The following SIGLEC12 variants were observed in gnomAD, a reference collection of about 807,000 sequenced individuals.
SIGLEC12 encodes sialic acid-binding Ig-like lectin 12.
A neutral mutation model predicts 54.1 loss-of-function variants in SIGLEC12; 43 were observed. The ratio of observed to expected loss-of-function variants is 0.80; its 90% CI spans 0.62 to 1.03. The LOEUF is 1.03. Ranked by LOEUF, SIGLEC12 falls within the 50% of genes least tolerant of loss-of-function variation. SIGLEC12 has a pLI of 0.00. For missense variants in SIGLEC12, 802 were observed against 735.2 expected, an observed-to-expected ratio of 1.09 and a Z score of -1.05; for synonymous variants, 357 against 307.6, an observed-to-expected ratio of 1.16 and a Z score of -1.68.
At chr19:51,494,068 C>A (rs111581574) in intron 7 of SIGLEC12, among the ~76,000 whole-genome samples, 2 of 152,292 alleles carry the variant, frequency 1.3e-5, no homozygotes, top group African/African-American at 4.8e-5. Flanking sequence ...GTGCCTGAGC[C>A]TCACCCTGTT....
Position 51,501,595 on chromosome 19 carries a change from A to G in SIGLEC12, c.139T>C (p.Ser47Pro), listed in dbSNP as rs1196850347. The change falls in exon 1 of 8, where the codon TCC becomes CCC. Residue 47 changes from serine to proline, a missense_variant. By Grantham distance (74) the Ser-to-Pro change is moderately conservative. Coordinates refer to ENST00000291707, the MANE Select transcript of SIGLEC12 (RefSeq NM_053003.4). The part of the protein sequence containing the change: ...GLCVSVLCSF[S>P]YPQNGWTASD... ...GCAGTCCAGCCATTTTGGGGGTAGG[A>G]GAAGGAGCAAAGCACAGAGACACAC... 6.2e-7 allele frequency: 1 copy of G among 1,613,932 alleles called. No homozygotes were observed. The highest frequency in any genetic ancestry group is 8.5e-7 in the Non-Finnish European group (1 of 1,179,970).
chr19:51,499,484 A>T lies in SIGLEC12; in HGVS notation c.1041T>A (p.Pro347=). 1 of 1,605,822 alleles carries T rather than the reference A, an allele frequency of 6.2e-7. No homozygotes were observed. The part of the protein sequence containing the change: ...GTSLTCQVTL[P]GAGVTMTRAV... ...CCCTGGTCATGGTCACGCCGGCCCC[A>T]GGCAAGGTCACCTGACAGGTGAGGC... is the stretch of plus-strand genomic sequence containing the variant. Residue 347 remains proline, a synonymous_variant, in exon 3 of 8, where the codon CCT becomes CCA. Coordinates refer to ENST00000291707, the MANE Select transcript of SIGLEC12 (RefSeq NM_053003.4).
In SIGLEC12 at chr19:51,498,080, G is replaced by A. The variant is rs1482644976; in HGVS notation, c.1343C>T (p.Ala448Val). The A allele has an allele frequency of 1.2e-6, 2 of 1,614,246 alleles. No individual in the cohort carries two copies. The highest frequency in any genetic ancestry group is 1.7e-6 in the Non-Finnish European group (2 of 1,180,042). Residue 448 changes from alanine (A) to valine (V), a missense_variant, in exon 5 of 8, where the codon GCT becomes GTT. By Grantham distance (64) the Ala-to-Val change is moderately conservative. Coordinates refer to ENST00000291707, the MANE Select transcript of SIGLEC12 (RefSeq NM_053003.4). Reference protein sequence around the residue: ...VKDEGEFTCRAQNPLGSQHIS... With the variant: ...VKDEGEFTCRVQNPLGSQHIS... ...GTGCTGGGAGCCTAGAGGGTTCTGA[G>A]CTCGGCAGGTGAATTCCCCTTCATC...
Position 51,498,269 on chromosome 19 carries a change from T to G in SIGLEC12, c.1154A>C (p.Asn385Thr), listed in dbSNP as rs1231296621. Residue 385 changes from asparagine (N) to threonine (T), a missense_variant, in exon 5 of 8, where the codon AAT becomes ACT. Physicochemically the swap from Asn to Thr is moderately conservative, Grantham distance 65 (BLOSUM62 0). Coordinates refer to ENST00000291707, the MANE Select transcript of SIGLEC12 (RefSeq NM_053003.4). Reference sequence around the variant, plus strand: ...CTCCAGGACTGAAAGGGCCGAGCCATTCCTCAAGGTTGTGGATGCTGTAGA... The same window carrying G: ...CTCCAGGACTGAAAGGGCCGAGCCAGTCCTCAAGGTTGTGGATGCTGTAGA... Reference protein sequence around the residue: ...GDGTASTTLRNGSALSVLEGQ... With the variant: ...GDGTASTTLRTGSALSVLEGQ... 6 of 1,608,908 alleles carry G rather than the reference T, an allele frequency of 3.7e-6. No homozygotes were observed. The highest frequency in any genetic ancestry group is 5.1e-6 in the Non-Finnish European group (6 of 1,176,496).
At position 51,501,511 on chromosome 19, in the gene SIGLEC12, G is replaced by T. The variant is rs199619588; in HGVS notation, c.223C>A (p.Pro75Thr). 4.4e-6 allele frequency: 7 copies of T among 1,599,934 alleles called. No homozygotes were observed. The highest frequency in any genetic ancestry group is 1.7e-4 in the Middle Eastern group (1 of 6,044). The change falls in exon 1 of 8, where the codon CCA becomes ACA. Residue 75 changes from proline (P) to threonine (T), a missense_variant. Transcript: ENST00000291707. Reference protein sequence around the residue: ...RAGDHVSRNIPVATNNPARAV... With the variant: ...RAGDHVSRNITVATNNPARAV... Reference sequence around the variant, plus strand: ...CGAGCTGGGTTGTTTGTGGCCACTGGAATGTTCCGGCTTACATGGTCCCCT... The same window carrying T: ...CGAGCTGGGTTGTTTGTGGCCACTGTAATGTTCCGGCTTACATGGTCCCCT...
chr19:51,499,956 T>C lies in SIGLEC12; in HGVS notation c.772A>G (p.Asn258Asp). 1 of 1,613,824 alleles carries C rather than the reference T, an allele frequency of 6.2e-7. No homozygotes were observed. The highest frequency in any genetic ancestry group is 8.5e-7 in the Non-Finnish European group (1 of 1,179,858). Residue 258 changes from asparagine (N) to aspartate (D), a missense_variant, in exon 2 of 8, where the codon AAC (asparagine) becomes GAC (aspartate). By Grantham distance (23) the Asn-to-Asp change is conservative. Coordinates refer to ENST00000291707, the MANE Select transcript of SIGLEC12 (RefSeq NM_053003.4). ...ACAGAGAGCTTGTCATATATGTAGT[T>C]CCATTTCCTGCTTCCTCTCTCCACC... ...FQVERGSRKW[N>D]YIYDKLSVHV...
At chr19:51,492,086 G>A (rs367607611) in intron 7 of SIGLEC12, among the ~76,000 whole-genome samples, 2 of 152,252 alleles carry the variant, frequency 1.3e-5, no homozygotes, top group East Asian at 3.9e-4. Flanking sequence ...TGAAAACTGA[G>A]GTAGAAATGG....
At position 51,491,789 on chromosome 19, in the gene SIGLEC12, T is replaced by C. The variant is rs774306964; in HGVS notation, c.1640A>G (p.His547Arg). 4 of 1,597,276 alleles carry C rather than the reference T, an allele frequency of 2.5e-6. No homozygotes were observed. The highest frequency in any genetic ancestry group is 3.4e-6 in the Non-Finnish European group (4 of 1,172,074). The change falls in exon 8 of 8, where the codon CAC (histidine) becomes CGC (arginine). Residue 547 changes from histidine (H) to arginine (R), a missense_variant. Coordinates refer to ENST00000291707, the MANE Select transcript of SIGLEC12 (RefSeq NM_053003.4). ...IESPADDSPPHHAPPALATPS... is the reference protein window; with the variant it reads ...IESPADDSPPRHAPPALATPS... ...GGTGGCCAGGGCTGGCGGAGCATGG[T>C]GTGGGGGGCTGTCATCTGCCGGGGA...
Position 51,496,893 on chromosome 19 carries a change from C to A in SIGLEC12, c.1586G>T (p.Gly529Val). Residue 529 changes from glycine (G) to valine (V), a missense_variant, in exon 7 of 8, where the codon GGC (glycine) becomes GTC (valine). Physicochemically the swap from Gly to Val is moderately radical, Grantham distance 109. Transcript: ENST00000291707. ...ATGCTCACTCACCTGAGAGGCTGAG[C>A]CCCTGACAGCGTTTGCGTCCTCCAT... ...TGMEDANAVR[G>V]SASQGPLIES... 7 of 1,614,040 alleles carry A rather than the reference C, an allele frequency of 4.3e-6. No individual in the cohort carries two copies. Among genetic ancestry groups the A allele is most frequent in the Non-Finnish European group, 5.9e-6 (7 of 1,179,996 alleles).
At chr19:51,493,394 G>A (rs779227266) in intron 7 of SIGLEC12, among the ~76,000 whole-genome samples, 3 of 152,132 alleles carry the variant, frequency 2.0e-5, no homozygotes, top group Non-Finnish European at 2.9e-5. Flanking sequence ...CCACTGTGTT[G>A]TCTTCATGCC....
At position 51,491,936 on chromosome 19, in the gene SIGLEC12, T is replaced by G. The variant is rs1990114809; in HGVS notation, c.1600-107A>C. On this transcript the variant is annotated intron_variant, in intron 7 of 7. Transcript: ENST00000291707. ...AGTTCCTTCCTCCATTCATCCCATG[T>G]GCACTTTGCTGAAATCTCTTTAATA... 6 of 810,228 alleles carry G rather than the reference T, an allele frequency of 7.4e-6. No individual in the cohort carries two copies. The South Asian group carries it at 1.2e-4, about 17-fold the overall frequency. 50.2% of individuals were successfully genotyped at this position (810,228 alleles called of 1,614,324 possible).
At chr19:51,492,580 C>T (rs138399544) in intron 7 of SIGLEC12, among the ~76,000 whole-genome samples, 538 of 152,212 alleles carry the variant, frequency 3.5e-3, no homozygotes, top group Non-Finnish European at 5.8e-3. Flanking sequence ...TTAAGGATAT[C>T]GAGATGGGGA....
intron 7 of SIGLEC12, among the ~76,000 whole-genome samples, chr19:51,493,083 A>T (rs2122204097): frequency 6.6e-6 from 1 of 152,310 alleles, no homozygotes; most frequent in Admixed American, 6.5e-5. Context: ...GATTACTCAA[A>T]TTAACATTCA....
Position 51,496,903 on chromosome 19 carries a change from C to T in SIGLEC12, c.1576G>A (p.Ala526Thr), listed in dbSNP as rs761150178. Reference sequence around the variant, plus strand: ...ACCTGAGAGGCTGAGCCCCTGACAGCGTTTGCGTCCTCCATGCCTGTATCC... The same window carrying T: ...ACCTGAGAGGCTGAGCCCCTGACAGTGTTTGCGTCCTCCATGCCTGTATCC... ...VGDTGMEDAN[A>T]VRGSASQGPL... Residue 526 changes from alanine to threonine, a missense_variant, in exon 7 of 8, where the codon GCT becomes ACT. Transcript: ENST00000291707. 46 of 1,613,884 alleles carry T rather than the reference C, an allele frequency of 2.9e-5. No homozygotes were observed. The highest frequency in any genetic ancestry group is 1.9e-4 in the South Asian group (17 of 91,078).
rs1302740179 is a variant in SIGLEC12, at chr19:51,500,193, T to C, written c.535A>G (p.Asn179Asp). ...TAAACAGGGCTAGAGGCAGTCCAGT[T>C]GTAATGGGGGTAAAGGACACTGCAG... ...VPCSVLYPHY[N>D]WTASSPVYGS... The change falls in exon 2 of 8, where the codon AAC becomes GAC. Residue 179 changes from asparagine (N) to aspartate (D), a missense_variant. Asn to Asp is a conservative substitution (Grantham distance 23, BLOSUM62 1). Transcript: ENST00000291707. 6.2e-7 allele frequency: 1 copy of C among 1,613,988 alleles called. No individual in the cohort carries two copies. The highest frequency in any genetic ancestry group is 8.5e-7 in the Non-Finnish European group (1 of 1,179,962).
chr19:51,497,260 C>T, intron 6 of SIGLEC12, 89 bp downstream of exon 6: 3 of 1,211,896 alleles, frequency 2.5e-6, no homozygotes, highest in Non-Finnish European at 3.6e-6. Flanking sequence ...AGCTCTTGAC[C>T]CATCCAGGTC....
chr19:51,497,930 G>A, intron 5 of SIGLEC12, 88 bp downstream of exon 5: 1 of 1,552,398 alleles, frequency 6.4e-7, no homozygotes, highest in African/African-American at 1.4e-5. Context: ...CTGTGATGCT[G>A]TGGGTTGCAG....
In SIGLEC12 at chr19:51,501,329, GTCATATTTATAATTCCATT is replaced by G; in HGVS notation, c.386_404del (p.Lys129ThrfsTer5). ...TACCTGTCACATTCACAGAGAGCTG[GTCATATTTATAATTCCATT>G]TCATATTTCCTCTCTCTACACAAAA... On this transcript the variant is annotated frameshift_variant, in exon 1 of 8. Coordinates refer to ENST00000291707, the MANE Select transcript of SIGLEC12 (RefSeq NM_053003.4). LOFTEE classifies it high-confidence loss of function. 6.2e-7 allele frequency: 1 copy of G among 1,614,188 alleles called. No homozygotes were observed. The highest frequency in any genetic ancestry group is 2.2e-5 in the East Asian group (1 of 44,888).
rs1599951202 is a variant in SIGLEC12, at chr19:51,495,269, A to G, written c.1599+1611T>C. On this transcript the variant is annotated intron_variant, in intron 7 of 7. Transcript: ENST00000291707. ...GATGGACGGGTGGGTGGGTGGATGGATGGATGGATGGATGGATGGATGGAT... is the reference window on the plus strand; with the variant it reads ...GATGGACGGGTGGGTGGGTGGATGGGTGGATGGATGGATGGATGGATGGAT... Among the ~76,000 whole-genome samples the G allele has an allele frequency of 3.6e-5, 4 of 110,996 alleles. No homozygotes were observed. In the South Asian group the frequency reaches 1.1e-3, roughly 29 times the overall value. 72.8% of individuals were successfully genotyped at this position (110,996 alleles called of 152,430 possible).
Sources: gnomAD v4.1 joint callset for allele counts (sites outside exome capture counted in the v4.1 genomes callset) on GRCh38, gnomAD v4.1.1 for gene constraint, MANE v1.5 for transcripts, NCBI Gene and HGNC (gene_info 2026-07-23, HGNC 2026-07-21) for gene names.